NINL: variants seen among roughly 807,000 people sequenced by gnomAD.
NINL encodes ninein like.
In NINL, 153 loss-of-function variants were observed where a neutral mutation model predicts 160.3. That is an observed-to-expected ratio of 0.95 (90% CI 0.84 to 1.09). The LOEUF is 1.09. NINL is among the 50% of genes least tolerant of loss of function. NINL has a pLI of 0.00. For synonymous variants in NINL, 800 were observed against 734.8 expected (o/e 1.09, Z -1.43); for missense variants, 1,829 against 1,764.0 (o/e 1.04, Z -0.66).
chr20:25,569,924 C>A (rs151147834), intron 1 of NINL, among the ~76,000 whole-genome samples: 1,896 of 152,158 alleles, frequency 0.012, 35 homozygotes, highest in African/African-American at 0.04. Context: ...GTGGCTCACA[C>A]TTGTAATCCC....
At chr20:25,559,514 C>T (rs1383046061) in intron 1 of NINL, among the ~76,000 whole-genome samples, 4 of 152,198 alleles carry the variant, frequency 2.6e-5, no homozygotes, top group Admixed American at 6.5e-5. Flanking sequence ...GCTGGGATTA[C>T]AGGCATCAGC....
chr20:25,557,607 A>G (rs963347201), intron 1 of NINL, among the ~76,000 whole-genome samples: 1 of 152,186 alleles, frequency 6.6e-6, no homozygotes, highest in Non-Finnish European at 1.5e-5. Context: ...GTGATAATTC[A>G]ACACAAAGAT....
chr20:25,512,719 G>T, intron 4 of NINL, 115 bp downstream of exon 4: 1 of 1,339,400 alleles, frequency 7.5e-7, no homozygotes, highest in Non-Finnish European at 1.0e-6. Context: ...CAGGGTGCCT[G>T]AGACGGTGGC....
At chr20:25,568,232 CA>C (rs11483743) in intron 1 of NINL, among the ~76,000 whole-genome samples, 74 of 143,814 alleles carry the variant, frequency 5.1e-4, no homozygotes, top group Admixed American at 1.3e-3. Context: ...TGTCAGATCT[CA>C]AAAAAAAAAA....
chr20:25,501,293 G>C (rs945455070), intron 7 of NINL, among the ~76,000 whole-genome samples: 12 of 152,234 alleles, frequency 7.9e-5, no homozygotes, highest in Non-Finnish European at 4.4e-5. Context: ...GCCAGCCCCA[G>C]TCAGCACACT....
chr20:25,467,733 C>A (rs1424691002), intron 18 of NINL, among the ~76,000 whole-genome samples: 2 of 151,984 alleles, frequency 1.3e-5, no homozygotes, highest in Non-Finnish European at 2.9e-5. Context: ...TCTACACTGC[C>A]AGCACTGTAA....
intron 1 of NINL, among the ~76,000 whole-genome samples, chr20:25,554,446 A>T (rs1344156497): frequency 6.6e-6 from 1 of 152,070 alleles, no homozygotes; most frequent in East Asian, 1.9e-4. Context: ...AGACAACAGA[A>T]TGGCAATCTG....
chr20:25,462,125 T>A (rs1032883876), intron 20 of NINL, among the ~76,000 whole-genome samples: 1 of 152,226 alleles, frequency 6.6e-6, no homozygotes, highest in East Asian at 1.9e-4. Context: ...CCTCTAAGTG[T>A]GTATTTTGCC....
chr20:25,564,706 GCC>G (rs2064981468), intron 1 of NINL, among the ~76,000 whole-genome samples: 1 of 151,782 alleles, frequency 6.6e-6, no homozygotes, highest in East Asian at 1.9e-4. Context: ...ACCTGCCTCA[GCC>G]TCCCAAAGTG....
intron 1 of NINL, among the ~76,000 whole-genome samples, chr20:25,552,294 G>A (rs2064814679): frequency 6.6e-6 from 1 of 152,052 alleles, no homozygotes; most frequent in Non-Finnish European, 1.5e-5. Context: ...AGCTACATGG[G>A]AGGCAAAGGT....
chr20:25,563,820 A>C (rs921705376), intron 1 of NINL, among the ~76,000 whole-genome samples: 1 of 152,222 alleles, frequency 6.6e-6, no homozygotes, highest in African/African-American at 2.4e-5. Context: ...CCATTTGCCA[A>C]GAAGACACAG....
chr20:25,471,135 G>C (rs930154392), intron 17 of NINL, among the ~76,000 whole-genome samples: 4 of 151,986 alleles, frequency 2.6e-5, no homozygotes, highest in Admixed American at 1.3e-4. Context: ...TGGGACTACA[G>C]TAGGCATGCG....
chr20:25,457,929 A>T (rs1395527842), intron 22 of NINL, among the ~76,000 whole-genome samples: 1 of 152,114 alleles, frequency 6.6e-6, no homozygotes, highest in Non-Finnish European at 1.5e-5. Flanking sequence ...GCCCAAGTTC[A>T]CTCAGCTGGG....
intron 1 of NINL, among the ~76,000 whole-genome samples, chr20:25,559,383 G>A (rs2064906234): frequency 6.6e-6 from 1 of 152,128 alleles, no homozygotes; most frequent in South Asian, 2.1e-4. Flanking sequence ...TGGGACTACA[G>A]GTGCGTGCCG....
intron 2 of NINL, among the ~76,000 whole-genome samples, chr20:25,518,527 TTA>T (rs2064203640): frequency 2.0e-5 from 3 of 152,246 alleles, no homozygotes; most frequent in Admixed American, 2.0e-4. Flanking sequence ...TTACATGATA[TTA>T]TCTTTTTATT....
chr20:25,454,751 C>A (rs1600966579), intron 23 of NINL, among the ~76,000 whole-genome samples: 1 of 152,138 alleles, frequency 6.6e-6, no homozygotes. Context: ...CATCAGCCCT[C>A]AGGGCACAGC....
intron 1 of NINL, among the ~76,000 whole-genome samples, chr20:25,572,919 C>T (rs541514639): frequency 6.6e-4 from 101 of 152,298 alleles, no homozygotes; most frequent in Admixed American, 1.6e-3. Flanking sequence ...CCGGTCCATT[C>T]TATCCATCTG....
At chr20:25,496,553 A>G in intron 10 of NINL, 110 bp downstream of exon 10, 1 of 1,349,904 alleles carries the variant, frequency 7.4e-7, no homozygotes, top group Non-Finnish European at 1.0e-6. Context: ...GGGGGTCTCC[A>G]CTGAGCCACA....
At chr20:25,461,299 C>T (rs1183000311) in intron 21 of NINL, among the ~76,000 whole-genome samples, 5 of 152,222 alleles carry the variant, frequency 3.3e-5, no homozygotes, top group African/African-American at 1.2e-4. Flanking sequence ...CTCCTTCCCT[C>T]GGGAGTAAAC....
Sources: allele counts gnomAD v4.1 joint callset (sites outside exome capture counted in the v4.1 genomes callset), GRCh38; gene constraint gnomAD v4.1.1; transcripts MANE v1.5; gene names NCBI Gene and HGNC (gene_info 2026-07-23, HGNC 2026-07-21).